The following TRIM36 variants were observed in gnomAD, a reference collection of about 807,000 sequenced individuals.
TRIM36 encodes the protein tripartite motif containing 36.
A neutral mutation model predicts 72.4 loss-of-function variants in TRIM36; 42 were observed. The ratio of observed to expected loss-of-function variants is 0.58; its 90% CI spans 0.45 to 0.75. The LOEUF is 0.75. TRIM36 is among the 30% of genes least tolerant of loss of function. The probability of loss-of-function intolerance (pLI) is 0.00; values close to 1 mark genes in which losing one functional copy is unlikely to be tolerated. For synonymous variants in TRIM36, 315 were observed against 282.8 expected, an observed-to-expected ratio of 1.11 and a Z score of -1.14; for missense variants, 913 against 857.1, an observed-to-expected ratio of 1.07 and a Z score of -0.81.
upstream of TRIM36, among the ~76,000 whole-genome samples, chr5:115,172,819 A>G (rs1242159355): frequency 6.6e-6 from 1 of 152,220 alleles, no homozygotes; most frequent in African/African-American, 2.4e-5. Context: ...ATTACAGGCA[A>G]ACAAAAATAA....
intron 2 of TRIM36, among the ~76,000 whole-genome samples, chr5:115,151,801 T>C (rs773330184): frequency 6.6e-5 from 10 of 152,114 alleles, no homozygotes; most frequent in Middle Eastern, 3.4e-3. Flanking sequence ...ACAACTCGAC[T>C]CCCAGGAAGG....
At chr5:115,172,525 C>T (rs1281950248), upstream of TRIM36, among the ~76,000 whole-genome samples, 1 of 152,198 alleles carries the variant, frequency 6.6e-6, no homozygotes, top group South Asian at 2.1e-4. Flanking sequence ...CACCTGAGGT[C>T]GGGAATTCGA....
At chr5:115,132,925 T>C (rs1195422053) in intron 8 of TRIM36, among the ~76,000 whole-genome samples, 2 of 152,236 alleles carry the variant, frequency 1.3e-5, no homozygotes, top group African/African-American at 4.8e-5. Flanking sequence ...TTGGATTTGA[T>C]TAAAATTTAA....
At position 115,176,536 on chromosome 5, in the gene TRIM36, G is replaced by A. The variant is rs59458003; in HGVS notation, c.63+3439C>T. 5.3e-5 allele frequency among the ~76,000 whole-genome samples: 8 copies of A among 152,214 alleles called. No homozygotes were observed. The South Asian group carries it at 1.7e-3, about 32-fold the overall frequency. ...TTATGCTCTTAGATGTGCCTGAACA[G>A]TAAATATTAAATTATGGGAACCGAA... On this transcript the variant is annotated intron_variant, in intron 1 of 9. Coordinates refer to the TRIM36 transcript ENST00000282369.
intron 1 of TRIM36, among the ~76,000 whole-genome samples, chr5:115,176,440 G>T (rs1373220318): frequency 1.3e-5 from 2 of 152,070 alleles, no homozygotes; most frequent in African/African-American, 2.4e-5. Context: ...CCAAGTAATG[G>T]TATCATTGCC....
intron 1 of TRIM36, among the ~76,000 whole-genome samples, chr5:115,179,104 C>T (rs1396639792): frequency 6.6e-6 from 1 of 152,194 alleles, no homozygotes; most frequent in African/African-American, 2.4e-5. Context: ...ACGCCCTTTC[C>T]CGCCTTCTCT....
intron 2 of TRIM36, 31 bp from the exon 3 acceptor site, chr5:115,147,425 T>G (rs955401464): frequency 6.3e-7 from 1 of 1,586,296 alleles, no homozygotes; most frequent in Admixed American, 1.7e-5. Flanking sequence ...TGTTTAGTTA[T>G]AGCAGTAGGA....
At chr5:115,131,585 A>T (rs1752679619) in intron 8 of TRIM36, among the ~76,000 whole-genome samples, 1 of 152,358 alleles carries the variant, frequency 6.6e-6, no homozygotes, top group South Asian at 2.1e-4. Flanking sequence ...TCAACAGATG[A>T]GTAAAGAAAA....
chr5:115,151,011 A>G (rs747294425), intron 2 of TRIM36, among the ~76,000 whole-genome samples: 12 of 152,182 alleles, frequency 7.9e-5, no homozygotes, highest in South Asian at 6.2e-4. Context: ...TAACAATTTG[A>G]ACTGATGGAG....
In TRIM36 at chr5:115,137,367, G is replaced by C; in HGVS notation, c.1081C>G (p.Leu361Val). ...CFVQTAKQLH[L>V]RIQKATESLK... ...GTTAGAAGTAAAAGAGAATACCTGAGGTGGAGCTGCTTTGCTGTCTGCACA... is the reference window on the plus strand; with the variant it reads ...GTTAGAAGTAAAAGAGAATACCTGACGTGGAGCTGCTTTGCTGTCTGCACA... The change falls in exon 6 of 10, where the codon CTC (leucine) becomes GTC (valine). Residue 361 changes from leucine to valine, a missense_variant. Transcript: ENST00000513154. 6.2e-7 allele frequency: 1 copy of C among 1,605,184 alleles called. No individual in the cohort carries two copies. Among genetic ancestry groups the C allele is most frequent in the African/African-American group, 1.3e-5 (1 of 74,496 alleles).
intron 2 of TRIM36, among the ~76,000 whole-genome samples, chr5:115,158,188 AG>A (rs921112023): frequency 3.3e-5 from 5 of 152,274 alleles, no homozygotes; most frequent in African/African-American, 1.2e-4. Flanking sequence ...ATGTAGACCA[AG>A]AAATGCAATT....
intron 3 of TRIM36, among the ~76,000 whole-genome samples, chr5:115,144,954 C>T (rs767187039): frequency 2.0e-5 from 3 of 152,092 alleles, no homozygotes; most frequent in Non-Finnish European, 4.4e-5. Flanking sequence ...ATGATTAATA[C>T]GTAGATGTTG....
At chr5:115,161,653 C>A (rs959495338) in intron 2 of TRIM36, among the ~76,000 whole-genome samples, 1 of 152,204 alleles carries the variant, frequency 6.6e-6, no homozygotes, top group Non-Finnish European at 1.5e-5. Flanking sequence ...CTGACACTGC[C>A]AAGTGGTTAC....
intron 7 of TRIM36, among the ~76,000 whole-genome samples, chr5:115,134,519 C>A (rs1752861431): frequency 1.3e-5 from 2 of 149,946 alleles, no homozygotes; most frequent in Non-Finnish European, 3.0e-5. Context: ...AAATCTAAGT[C>A]TGGTAAGAAT....
intron 3 of TRIM36, among the ~76,000 whole-genome samples, chr5:115,145,748 T>G (rs1409587334): frequency 1.3e-5 from 2 of 152,186 alleles, no homozygotes; most frequent in Non-Finnish European, 2.9e-5. Flanking sequence ...ATACAGAAAG[T>G]CCTAATACCA....
chr5:115,164,203 T>G (rs76796755), intron 1 of TRIM36, among the ~76,000 whole-genome samples: 1 of 152,344 alleles, frequency 6.6e-6, no homozygotes, highest in East Asian at 1.9e-4. Context: ...AAACACTAGC[T>G]GAGTCAGTAT....
intron 1 of TRIM36, among the ~76,000 whole-genome samples, chr5:115,175,499 T>C (rs965084150): frequency 2.6e-5 from 4 of 152,114 alleles, no homozygotes; most frequent in African/African-American, 7.2e-5. Context: ...ATATACTACA[T>C]GGCCATATAC....
At chr5:115,155,201 A>G (rs1017042045) in intron 2 of TRIM36, among the ~76,000 whole-genome samples, 1 of 152,026 alleles carries the variant, frequency 6.6e-6, no homozygotes, top group Non-Finnish European at 1.5e-5. Context: ...AAAAATAATT[A>G]GCCAGGTGTG....
In TRIM36 at chr5:115,130,870, A is replaced by G. The variant is rs748033041; in HGVS notation, c.1518T>C (p.Asp506=). The G allele has an allele frequency of 9.3e-6, 15 of 1,607,066 alleles. No homozygotes were observed. Among genetic ancestry groups the G allele is most frequent in the Non-Finnish European group, 1.3e-5 (15 of 1,175,276 alleles). The change falls in exon 9 of 10, where the codon GAT becomes GAC. Residue 506 remains aspartate (D), a synonymous_variant. Transcript: ENST00000513154. ...GTTCATTATTATAGCCACATTTTTC[A>G]TCAAAGAGGAAGCTGAAAACTAAAT... is the stretch of plus-strand genomic sequence containing the variant. ...PPAPVFSFLF[D]EKCGYNNEHL...
Sources: gnomAD v4.1 joint callset for allele counts (sites outside exome capture counted in the v4.1 genomes callset) on GRCh38, gnomAD v4.1.1 for gene constraint, MANE v1.5 for transcripts, NCBI Gene and HGNC (gene_info 2026-07-23, HGNC 2026-07-21) for gene names.